The following TNR variants were observed in gnomAD, a reference collection of about 807,000 sequenced individuals.
The protein encoded by TNR is tenascin R.
In TNR, 45 loss-of-function variants were observed where a neutral mutation model predicts 150.4. The observed-to-expected ratio is 0.30, with a 90% CI of 0.24 to 0.38. The LOEUF (loss-of-function observed/expected upper bound fraction) is 0.38. Among genes scored for constraint, TNR ranks in the 10% least tolerant of loss-of-function variants. TNR has a pLI of 1.00. For synonymous variants in TNR, 687 were observed against 678.4 expected (o/e 1.01, Z -0.20); for missense variants, 1,544 against 1,759.1 (o/e 0.88, Z 2.19).
intron 1 of TNR, among the ~76,000 whole-genome samples, chr1:175,611,268 C>T (rs1663589086): frequency 6.6e-6 from 1 of 152,110 alleles, no homozygotes; most frequent in Non-Finnish European, 1.5e-5. Flanking sequence ...ACCCAGGTCC[C>T]TTCTCTACAA....
intron 1 of TNR, among the ~76,000 whole-genome samples, chr1:175,740,534 C>T (rs935737134): frequency 1.3e-5 from 2 of 152,100 alleles, no homozygotes; most frequent in Admixed American, 1.3e-4. Context: ...TTCCATCTTT[C>T]CCCACCACTG....
intron 1 of TNR, among the ~76,000 whole-genome samples, chr1:175,569,374 C>T (rs1045099109): frequency 6.6e-6 from 1 of 152,166 alleles, no homozygotes; most frequent in African/African-American, 2.4e-5. Context: ...CAAATTGTGT[C>T]CACAAAAGAA....
intron 18 of TNR, 26 bp downstream of exon 18, chr1:175,354,365 G>C: frequency 1.9e-6 from 3 of 1,611,152 alleles, no homozygotes; most frequent in Non-Finnish European, 2.5e-6. Flanking sequence ...GGAGAAGAAG[G>C]CATCAAAGTG....
At chr1:175,405,905 T>C (rs1421514305) in intron 3 of TNR, among the ~76,000 whole-genome samples, 1 of 152,204 alleles carries the variant, frequency 6.6e-6, no homozygotes, top group Non-Finnish European at 1.5e-5. Flanking sequence ...GAAGTTGCTG[T>C]GCTGAACCGA....
intron 2 of TNR, among the ~76,000 whole-genome samples, chr1:175,518,390 C>A (rs566113815): frequency 6.6e-6 from 1 of 152,180 alleles, no homozygotes; most frequent in Non-Finnish European, 1.5e-5. Flanking sequence ...GGTCTGTCCT[C>A]GATCCCATCC....
intron 4 of TNR, among the ~76,000 whole-genome samples, chr1:175,402,361 C>CTT (rs765661528): frequency 9.5e-5 from 12 of 126,320 alleles, no homozygotes; most frequent in African/African-American, 2.9e-4. Flanking sequence ...CAATGAGATA[C>CTT]TTTTTTTTTT....
intron 1 of TNR, among the ~76,000 whole-genome samples, chr1:175,533,060 T>C (rs1660136236): frequency 6.6e-6 from 1 of 152,194 alleles, no homozygotes; most frequent in South Asian, 2.1e-4. Flanking sequence ...TTGCCACAAA[T>C]GCTTTGCGCT....
In TNR at chr1:175,356,364, T is replaced by C; in HGVS notation, c.3073A>G (p.Asn1025Asp). The change falls in exon 16 of 23, where the codon AAT (asparagine) becomes GAT (aspartate). Residue 1025 changes from asparagine (N) to aspartate (D), a missense_variant. Asn to Asp is a conservative substitution (Grantham distance 23). Around this residue, in one of 2 missense-constraint regions of TNR, gnomAD observed 1,254 missense variants for 1,329.4 expected, o/e 0.94. Coordinates refer to ENST00000367674, the MANE Select transcript of TNR (RefSeq NM_003285.3). Reference protein sequence around the residue: ...THYTATMYATNGPLTSGTIST... With the variant: ...THYTATMYATDGPLTSGTIST... ...ATGGTGCCACTGGTGAGAGGTCCAT[T>C]GGTGGCATACATGGTGGCAGTATAG... 1.2e-6 allele frequency: 2 copies of C among 1,614,004 alleles called. No homozygotes were observed. The highest frequency in any genetic ancestry group is 1.7e-6 in the Non-Finnish European group (2 of 1,179,942).
intron 1 of TNR, among the ~76,000 whole-genome samples, chr1:175,663,488 T>G (rs1190901447): frequency 6.6e-6 from 1 of 152,166 alleles, no homozygotes; most frequent in Non-Finnish European, 1.5e-5. Context: ...GATAAATGGC[T>G]TGTTAGCAGC....
intron 1 of TNR, among the ~76,000 whole-genome samples, chr1:175,573,623 T>C (rs1166004752): frequency 6.6e-6 from 1 of 152,218 alleles, no homozygotes; most frequent in East Asian, 1.9e-4. Context: ...TGATAGATGT[T>C]GCTAAAGAAG....
intron 1 of TNR, among the ~76,000 whole-genome samples, chr1:175,581,441 G>T (rs1181813933): frequency 1.3e-5 from 2 of 152,168 alleles, no homozygotes; most frequent in African/African-American, 4.8e-5. Context: ...ATGAGCAGAT[G>T]GATTGGAGTT....
intron 2 of TNR, among the ~76,000 whole-genome samples, chr1:175,517,454 T>A (rs540183969): frequency 6.6e-6 from 1 of 152,292 alleles, no homozygotes; most frequent in East Asian, 1.9e-4. Context: ...TGGTTTGTCC[T>A]ACTCCCAGGA....
chr1:175,736,304 G>A (rs994907245), intron 1 of TNR, among the ~76,000 whole-genome samples: 3 of 152,012 alleles, frequency 2.0e-5, no homozygotes, highest in Non-Finnish European at 4.4e-5. Context: ...GGTGGATCAC[G>A]AGGTCAGGAT....
intron 2 of TNR, among the ~76,000 whole-genome samples, chr1:175,455,830 G>T (rs138826012): frequency 3.3e-5 from 5 of 152,218 alleles, no homozygotes; most frequent in Non-Finnish European, 7.3e-5. Context: ...GAGGATGAAA[G>T]TTGGGTCCTG....
intron 1 of TNR, among the ~76,000 whole-genome samples, chr1:175,673,432 A>T (rs552662104): frequency 6.6e-5 from 10 of 152,132 alleles, no homozygotes; most frequent in Admixed American, 2.0e-4. Flanking sequence ...ATGTAGAAGC[A>T]TTCAGAGGAA....
In TNR at chr1:175,354,440, T is replaced by A. The variant is rs147528880; in HGVS notation, c.3333A>T (p.Ala1111=). The change falls in exon 18 of 23, where the codon GCA becomes GCT. Residue 1111 remains alanine (A), a synonymous_variant. Coordinates refer to ENST00000367674, the MANE Select transcript of TNR (RefSeq NM_003285.3). ...TGCTGCTCCACGTGGTGTCCTGTGC[T>A]GCCTGCAGGAGCACCGTGTAGTCTG... ...ENTDYTVLLQ[A]AQDTTWSSIT... 1 of 1,614,154 alleles carries A rather than the reference T, an allele frequency of 6.2e-7. No homozygotes were observed. Among genetic ancestry groups the A allele is most frequent in the South Asian group, 1.1e-5 (1 of 91,090 alleles).
In TNR at chr1:175,354,426, G is replaced by A. The variant is rs148101484; in HGVS notation, c.3347C>T (p.Thr1116Met). The A allele has an allele frequency of 5.1e-5, 83 of 1,614,098 alleles. No individual in the cohort carries two copies. The African/African-American group carries it at 9.6e-4, about 19-fold the overall frequency. The change falls in exon 18 of 23, where the codon ACG becomes ATG. Residue 1116 changes from threonine (T) to methionine (M), a missense_variant. By Grantham distance (81) the Thr-to-Met change is moderately conservative (BLOSUM62 -1). Transcript: ENST00000367674. ...TVLLQAAQDT[T>M]WSSITSTAFT... Reference sequence around the variant, plus strand: ...AGCGGTGGAGGTGATGCTGCTCCACGTGGTGTCCTGTGCTGCCTGCAGGAG... The same window carrying A: ...AGCGGTGGAGGTGATGCTGCTCCACATGGTGTCCTGTGCTGCCTGCAGGAG...
At chr1:175,587,154 C>T (rs1662607065) in intron 1 of TNR, among the ~76,000 whole-genome samples, 1 of 152,184 alleles carries the variant, frequency 6.6e-6, no homozygotes, top group East Asian at 1.9e-4. Context: ...AAGGAAAATG[C>T]TCCATGTCCC....
At chr1:175,353,185 C>T (rs925990450) in intron 18 of TNR, among the ~76,000 whole-genome samples, 8 of 152,140 alleles carry the variant, frequency 5.3e-5, no homozygotes, top group African/African-American at 1.9e-4. Flanking sequence ...ACACAGACCC[C>T]AGAGCTGAAA....
Sources: gnomAD v4.1 joint callset for allele counts (sites outside exome capture counted in the v4.1 genomes callset) on GRCh38, gnomAD v4.1.1 for gene constraint, gnomAD v4.1.1 regional missense constraint, MANE v1.5 for transcripts, NCBI Gene and HGNC (gene_info 2026-07-23, HGNC 2026-07-21) for gene names.